PPP1R13B: variants seen among roughly 807,000 people sequenced by gnomAD.
PPP1R13B encodes the protein apoptosis-stimulating of p53 protein 1.
In PPP1R13B, 44 loss-of-function variants were observed where a neutral mutation model predicts 119.8. That is an observed-to-expected ratio of 0.37 (90% CI 0.29 to 0.47). The LOEUF (loss-of-function observed/expected upper bound fraction) is 0.47. Among genes scored for constraint, PPP1R13B ranks in the 20% least tolerant of loss-of-function variants. PPP1R13B has a pLI of 0.99. For synonymous variants in PPP1R13B, 542 were observed against 561.5 expected (o/e 0.97, Z 0.49); for missense variants, 1,227 against 1,413.5 (o/e 0.87, Z 2.12).
chr14:103,793,859 C>T (rs1414495813), intron 2 of PPP1R13B, among the ~76,000 whole-genome samples: 2 of 152,148 alleles, frequency 1.3e-5, no homozygotes, highest in African/African-American at 2.4e-5. Context: ...ACTGTGTCCC[C>T]GCTAAATTCA....
Position 103,742,870 on chromosome 14 carries a change from G to T in PPP1R13B, c.1151-47C>A. 6.3e-7 allele frequency: 1 copy of T among 1,599,568 alleles called. No homozygotes were observed. The highest frequency in any genetic ancestry group is 1.1e-5 in the South Asian group (1 of 89,716). ...ACGTAAAACTTTTCTCAATGTAGTT[G>T]AACCAACCTAAGAATAACACTCTGC... On this transcript the variant is annotated intron_variant, in intron 9 of 16. Coordinates refer to ENST00000202556, the MANE Select transcript of PPP1R13B (RefSeq NM_015316.3). The surrounding 1 kb of genome is among the most constrained non-coding windows in gnomAD (Gnocchi z 4.9).
chr14:103,840,865 C>A (rs2086891905), intron 1 of PPP1R13B, among the ~76,000 whole-genome samples: 1 of 152,056 alleles, frequency 6.6e-6, no homozygotes, highest in African/African-American at 2.4e-5. Context: ...TGAAATGTTC[C>A]CAACACATGG....
At chr14:103,758,544 C>T (rs1185566672) in intron 4 of PPP1R13B, among the ~76,000 whole-genome samples, 1 of 152,238 alleles carries the variant, frequency 6.6e-6, no homozygotes, top group African/African-American at 2.4e-5. Flanking sequence ...GCACTGTGTA[C>T]TGTGACAGAC....
intron 1 of PPP1R13B, among the ~76,000 whole-genome samples, chr14:103,805,161 C>T (rs2085987659): frequency 6.6e-6 from 1 of 152,090 alleles, no homozygotes; most frequent in African/African-American, 2.4e-5. Context: ...CACAGATTTG[C>T]CATATGGCCC....
At chr14:103,824,006 T>C (rs2086475011) in intron 1 of PPP1R13B, among the ~76,000 whole-genome samples, 1 of 151,606 alleles carries the variant, frequency 6.6e-6, no homozygotes, top group South Asian at 2.1e-4. Context: ...GCTAACAATA[T>C]GTTTTGTCAG....
At chr14:103,797,117 T>C (rs1314758371) in intron 2 of PPP1R13B, among the ~76,000 whole-genome samples, 4 of 147,260 alleles carry the variant, frequency 2.7e-5, no homozygotes, top group East Asian at 2.0e-4. Flanking sequence ...AAAAAAAGTA[T>C]ACAAAAAAGC....
chr14:103,756,550 T>C (rs1442647258), intron 5 of PPP1R13B, among the ~76,000 whole-genome samples: 2 of 152,186 alleles, frequency 1.3e-5, no homozygotes, highest in South Asian at 2.1e-4. Context: ...GCATTATCTA[T>C]ACTCCGCACT....
chr14:103,769,073 A>G (rs1440466907), intron 4 of PPP1R13B, among the ~76,000 whole-genome samples: 1 of 151,980 alleles, frequency 6.6e-6, no homozygotes, highest in Non-Finnish European at 1.5e-5. Context: ...TTACTTCCAC[A>G]CTGCACTGAT....
intron 1 of PPP1R13B, chr14:103,840,225 C>G (rs547235931): frequency 6.6e-6 from 1 of 152,330 alleles, no homozygotes; most frequent in Non-Finnish European, 1.5e-5. Context: ...ACTATGACAA[C>G]AGCATTTCAA....
chr14:103,786,783 AAAAAAG>A lies in PPP1R13B; in HGVS notation c.158-1875_158-1870del, dbSNP rs1356903961. On this transcript the variant is annotated intron_variant, in intron 2 of 16. Transcript: ENST00000202556. ...CTCTGTCTCAAAAAAAAAAAAAAAA[AAAAAAG>A]GCTGGTCATGGTGGTGCACGCCTGT... is the stretch of plus-strand genomic sequence containing the variant. Among the ~76,000 whole-genome samples, 4 of 150,800 alleles carry A rather than the reference AAAAAAG, an allele frequency of 2.7e-5. No individual in the cohort carries two copies. In the East Asian group the frequency reaches 5.9e-4, roughly 22 times the overall value.
At chr14:103,778,919 T>G (rs544809010) in intron 3 of PPP1R13B, 98 bp from the exon 4 acceptor site, 1 of 924,694 alleles carries the variant, frequency 1.1e-6, no homozygotes, top group Non-Finnish European at 1.7e-6. Context: ...TGAACACAAG[T>G]GTAAAATACC....
intron 1 of PPP1R13B, among the ~76,000 whole-genome samples, chr14:103,830,362 C>G (rs1405689591): frequency 6.6e-6 from 1 of 152,152 alleles, no homozygotes; most frequent in African/African-American, 2.4e-5. Flanking sequence ...TCCCAAAGTG[C>G]TAGGATTACA....
Position 103,753,169 on chromosome 14 carries a change from A to G in PPP1R13B, c.659T>C (p.Met220Thr). The G allele has an allele frequency of 6.2e-7, 1 of 1,612,794 alleles. No individual in the cohort carries two copies. Among genetic ancestry groups the G allele is most frequent in the Non-Finnish European group, 8.5e-7 (1 of 1,180,012 alleles). ...LSAEIERFSA[M>T]FQEKKQEVQT... is the part of the protein sequence containing the mutation. Reference sequence around the variant, plus strand: ...TACTTCCTGCTTCTTTTCCTGGAACATGGCACTGAACCTTTCTATTTCAGC... The same window carrying G: ...TACTTCCTGCTTCTTTTCCTGGAACGTGGCACTGAACCTTTCTATTTCAGC... Residue 220 changes from methionine to threonine, a missense_variant, in exon 7 of 17, where the codon ATG (methionine) becomes ACG (threonine). Physicochemically the swap from Met to Thr is moderately conservative, Grantham distance 81 (BLOSUM62 -1). Transcript: ENST00000202556.
At chr14:103,776,197 GA>G (rs1422007560) in intron 4 of PPP1R13B, among the ~76,000 whole-genome samples, 4 of 126,198 alleles carry the variant, frequency 3.2e-5, no homozygotes, top group Non-Finnish European at 7.0e-5. Flanking sequence ...AGGAAGGAAG[GA>G]AGGAAGGAAG....
intron 4 of PPP1R13B, among the ~76,000 whole-genome samples, chr14:103,776,948 C>T (rs2085214614): frequency 6.6e-6 from 1 of 151,862 alleles, no homozygotes; most frequent in Admixed American, 6.6e-5. Context: ...CAGAAAAGAC[C>T]ACATTAAAAA....
chr14:103,734,462 C>T lies in PPP1R13B; in HGVS notation c.*692G>A. ...TGAGATCGGAGGAGAAGAGTATATGCTGAGGCTCTCCCAGTTGTCACTTGG... is the reference window on the plus strand; with the variant it reads ...TGAGATCGGAGGAGAAGAGTATATGTTGAGGCTCTCCCAGTTGTCACTTGG... On this transcript the variant is annotated 3_prime_UTR_variant, in exon 17 of 17. Coordinates refer to ENST00000202556, the MANE Select transcript of PPP1R13B (RefSeq NM_015316.3). 1 of 454,414 alleles carries T rather than the reference C, an allele frequency of 2.2e-6. No homozygotes were observed. The highest frequency in any genetic ancestry group is 4.4e-6 in the Non-Finnish European group (1 of 225,868). 28.1% of individuals were successfully genotyped at this position (454,414 alleles called of 1,614,324 possible). A position where few individuals can be genotyped will look rare whatever the true frequency, so the allele number is the denominator to read the frequency against.
In PPP1R13B at chr14:103,742,778, G is replaced by C. The variant is rs1257077492; in HGVS notation, c.1196C>G (p.Ser399Cys). Reference protein sequence around the residue: ...WPTLKQNSSSSVKPVQVAGAD... With the variant: ...WPTLKQNSSSCVKPVQVAGAD... ...ACCGGCCACCTGCACTGGTTTCACG[G>C]AAGAGCTAGAATTCTGTTTTAATGT... Residue 399 changes from serine to cysteine, a missense_variant, in exon 10 of 17, where the codon TCC becomes TGC. Physicochemically the swap from Ser to Cys is moderately radical, Grantham distance 112 (BLOSUM62 -1). Coordinates refer to ENST00000202556, the MANE Select transcript of PPP1R13B (RefSeq NM_015316.3). This position sits in a 1 kb window ranked among gnomAD's most constrained non-coding sequence, Gnocchi z 4.9. The C allele has an allele frequency of 1.2e-6, 2 of 1,614,032 alleles. No homozygotes were observed. Among genetic ancestry groups the C allele is most frequent in the Admixed American group, 1.7e-5 (1 of 60,000 alleles).
At chr14:103,755,146 G>A (rs903555550) in intron 5 of PPP1R13B, among the ~76,000 whole-genome samples, 2 of 152,028 alleles carry the variant, frequency 1.3e-5, no homozygotes, top group South Asian at 4.2e-4. Context: ...AAACCTTCCA[G>A]CAGGAGAACA....
intron 1 of PPP1R13B, among the ~76,000 whole-genome samples, chr14:103,816,202 C>T (rs2086275884): frequency 6.6e-6 from 1 of 150,738 alleles, no homozygotes; most frequent in Admixed American, 6.6e-5. Flanking sequence ...CACTCTGTTG[C>T]CCAAGCTGGA....
Sources: allele counts gnomAD v4.1 joint callset (sites outside exome capture counted in the v4.1 genomes callset), GRCh38; gene constraint gnomAD v4.1.1; non-coding constraint Gnocchi (gnomAD v3.1); transcripts MANE v1.5; gene names NCBI Gene and HGNC (gene_info 2026-07-23, HGNC 2026-07-21).